SLC3A1: variants seen among roughly 807,000 people sequenced by gnomAD.
SLC3A1 encodes amino acid transporter heavy chain SLC3A1.
Under a neutral mutation model 60.3 loss-of-function variants are expected in SLC3A1, and 78 were observed. The observed-to-expected ratio is 1.29, with a 90% CI of 1.08 to 1.56. SLC3A1 has a LOEUF of 1.56. Ranked by LOEUF, SLC3A1 falls within the 40% of genes most tolerant of loss-of-function variation. The pLI, the probability that SLC3A1 is intolerant of heterozygous loss-of-function variation, is 0.00. For missense variants in SLC3A1, 1,172 were observed against 858.9 expected (o/e 1.36, Z -4.56); for synonymous variants, 392 against 307.9 (o/e 1.27, Z -2.86).
chr2:44,290,681 G>T (rs1445916192), intron 4 of SLC3A1, among the ~76,000 whole-genome samples: 4 of 82,520 alleles, frequency 4.8e-5, no homozygotes, highest in Non-Finnish European at 9.8e-5. Flanking sequence ...TTATTTTTAA[G>T]ACTTTTTTTT....
chr2:44,315,491 C>T (rs1441756170), intron 9 of SLC3A1, among the ~76,000 whole-genome samples: 1 of 116,002 alleles, frequency 8.6e-6, no homozygotes, highest in Admixed American at 9.8e-5. Context: ...TCTACCTTCC[C>T]CCTACCCCCG....
chr2:44,305,236 A>C (rs1243652713), intron 7 of SLC3A1, among the ~76,000 whole-genome samples: 1 of 152,004 alleles, frequency 6.6e-6, no homozygotes, highest in Non-Finnish European at 1.5e-5. Context: ...TTCCACACCC[A>C]TCAGGGTTGC....
chr2:44,287,929 A>G (rs113233917), intron 4 of SLC3A1, among the ~76,000 whole-genome samples: 3,197 of 152,208 alleles, frequency 0.021, 128 homozygotes, highest in African/African-American at 0.074. Flanking sequence ...TAACAGTTTA[A>G]TTGACATATA....
intron 4 of SLC3A1, among the ~76,000 whole-genome samples, chr2:44,296,194 A>G (rs1671842103): frequency 6.6e-6 from 1 of 152,140 alleles, no homozygotes; most frequent in African/African-American, 2.4e-5. Context: ...GCCAGCTGCA[A>G]ACCCTCCCCA....
downstream of SLC3A1, among the ~76,000 whole-genome samples, chr2:44,322,173 G>C (rs1314333259): frequency 6.6e-6 from 1 of 152,148 alleles, no homozygotes; most frequent in East Asian, 1.9e-4. Context: ...AACCTGCCCT[G>C]TGGAATCTGA....
rs185874618 is a variant in SLC3A1, at chr2:44,308,139, A to G, written c.1332+3801A>G. Among the ~76,000 whole-genome samples, 434 of 152,290 alleles carry G rather than the reference A, an allele frequency of 2.8e-3. 1 individual carries two copies. The highest frequency in any genetic ancestry group is 8.5e-3 in the African/African-American group (354 of 41,560). On this transcript the variant is annotated intron_variant, in intron 7 of 9. Coordinates refer to ENST00000260649, the MANE Select transcript of SLC3A1 (RefSeq NM_000341.4). ...GGTGACAGAGTGAGACCCCGTCTCT[A>G]AATGTAAAACAAAACAAAAAAAAGA...
intron 7 of SLC3A1, among the ~76,000 whole-genome samples, chr2:44,305,293 A>AT: frequency 6.6e-6 from 1 of 152,146 alleles, no homozygotes; most frequent in Non-Finnish European, 1.5e-5. Context: ...TTAGAGGTCA[A>AT]TATTAGGCTC....
intron 3 of SLC3A1, among the ~76,000 whole-genome samples, chr2:44,282,432 G>T: frequency 6.6e-6 from 1 of 151,644 alleles, no homozygotes; most frequent in Non-Finnish European, 1.5e-5. Context: ...CAGCAAACTC[G>T]ACTTCACAGA....
intron 1 of SLC3A1, among the ~76,000 whole-genome samples, chr2:44,279,101 C>A (rs1321483314): frequency 6.6e-6 from 1 of 151,872 alleles, no homozygotes. Flanking sequence ...CAGGTTCAAG[C>A]AATTCTCCTG....
At chr2:44,303,391 A>T (rs1231009454) in intron 6 of SLC3A1, among the ~76,000 whole-genome samples, 1 of 151,246 alleles carries the variant, frequency 6.6e-6, no homozygotes, top group Non-Finnish European at 1.5e-5. Context: ...TTACAGGCGC[A>T]TATCACCACA....
At chr2:44,309,771 G>C (rs1224311187) in intron 7 of SLC3A1, among the ~76,000 whole-genome samples, 1 of 152,124 alleles carries the variant, frequency 6.6e-6, no homozygotes, top group Non-Finnish European at 1.5e-5. Flanking sequence ...GCTAATTTTT[G>C]TATTTTTAGT....
chr2:44,301,155 T>C (rs376552200), intron 6 of SLC3A1, 28 bp downstream of exon 6: 15 of 1,613,962 alleles, frequency 9.3e-6, no homozygotes, highest in African/African-American at 1.3e-5. Context: ...CTCTCATTTC[T>C]TCCCAGGCTT....
At chr2:44,307,969 T>C (rs1021905464) in intron 7 of SLC3A1, among the ~76,000 whole-genome samples, 2 of 152,190 alleles carry the variant, frequency 1.3e-5, no homozygotes, top group Non-Finnish European at 2.9e-5. Context: ...CATGGAATCT[T>C]TGTTGAAAAA....
chr2:44,281,423 C>T lies in SLC3A1; in HGVS notation c.647C>T (p.Thr216Met), dbSNP rs369641941. Reference protein sequence around the residue: ...KLIIDFIPNHTSDKHIWFQLS... With the variant: ...KLIIDFIPNHMSDKHIWFQLS... The stretch of plus-strand genomic sequence containing the variant: ...ATCATCGATTTCATACCAAACCACA[C>T]GAGTGATAAACATATTTGGTTTCAA... Residue 216 changes from threonine to methionine, a missense_variant, in exon 3 of 10, where the codon ACG becomes ATG. Thr to Met is a moderately conservative substitution (Grantham distance 81). Coordinates refer to ENST00000260649, the MANE Select transcript of SLC3A1 (RefSeq NM_000341.4). 129 of 1,612,826 alleles carry T rather than the reference C, an allele frequency of 8.0e-5. No homozygotes were observed. Among genetic ancestry groups the T allele is most frequent in the Middle Eastern group, 3.3e-4 (2 of 6,084 alleles).
chr2:44,301,751 A>C (rs1173658033), intron 6 of SLC3A1, among the ~76,000 whole-genome samples: 1 of 151,260 alleles, frequency 6.6e-6, no homozygotes, highest in African/African-American at 2.4e-5. Context: ...AAAAAAAAAA[A>C]AAAAAGAACC....
intron 1 of SLC3A1, 34 bp from the exon 2 acceptor site, chr2:44,280,682 A>C: frequency 1.4e-6 from 2 of 1,469,784 alleles, no homozygotes; most frequent in Non-Finnish European, 1.9e-6. Flanking sequence ...AAAACAAAGT[A>C]GGGTTTATTC....
chr2:44,288,859 G>C (rs534997195), intron 4 of SLC3A1, among the ~76,000 whole-genome samples: 25 of 151,970 alleles, frequency 1.6e-4, no homozygotes, highest in African/African-American at 6.0e-4. Flanking sequence ...TTTTGAGATA[G>C]AGTTTCACTC....
intron 4 of SLC3A1, among the ~76,000 whole-genome samples, chr2:44,287,092 C>T (rs1255477029): frequency 6.6e-6 from 1 of 152,124 alleles, no homozygotes; most frequent in African/African-American, 2.4e-5. Context: ...GTGCCAGGCC[C>T]TGTTCTAAGC....
intron 1 of SLC3A1, among the ~76,000 whole-genome samples, chr2:44,278,290 C>A (rs1217693850): frequency 1.3e-5 from 2 of 151,176 alleles, no homozygotes; most frequent in African/African-American, 4.9e-5. Context: ...TAAAAAAATA[C>A]AAAAAAAATC....
Sources: allele counts gnomAD v4.1 joint callset (sites outside exome capture counted in the v4.1 genomes callset), GRCh38; gene constraint gnomAD v4.1.1; transcripts MANE v1.5; gene names NCBI Gene and HGNC (gene_info 2026-07-23, HGNC 2026-07-21).